The following HECW2 variants were observed in gnomAD, a reference collection of about 807,000 sequenced individuals.
HECW2 encodes the protein HECT, C2 and WW domain containing E3 ubiquitin protein ligase 2, also known as E3 ubiquitin-protein ligase HECW2.
Under a neutral mutation model 175.2 loss-of-function variants are expected in HECW2, and 61 were observed. The observed-to-expected ratio is 0.35, with a 90% CI of 0.28 to 0.43. HECW2 has a LOEUF of 0.43. HECW2 is among the 20% of genes least tolerant of loss of function. HECW2 has a pLI of 1.00. For synonymous variants in HECW2, 671 were observed against 731.0 expected, an observed-to-expected ratio of 0.92 and a Z score of 1.32; for missense variants, 1,524 against 2,000.5, an observed-to-expected ratio of 0.76 and a Z score of 4.54.
chr2:196,210,758 TG>T (rs1197544948), intron 28 of HECW2, among the ~76,000 whole-genome samples: 1 of 150,168 alleles, frequency 6.7e-6, no homozygotes, highest in Non-Finnish European at 1.5e-5. Context: ...GGATTACAGG[TG>T]CACACCACCA....
Position 196,322,609 on chromosome 2 carries a change from A to G in HECW2, c.753T>C (p.Phe251=). ...NPIWHREKYS[F]FALLTDVLEI... ...CTAAGACATCAGTAAGAAGTGCAAAAAAGGAATATTTCTGAAAACACAAAC... is the reference window on the plus strand; with the variant it reads ...CTAAGACATCAGTAAGAAGTGCAAAGAAGGAATATTTCTGAAAACACAAAC... Residue 251 remains phenylalanine, a synonymous_variant, in exon 7 of 29, where the codon TTT becomes TTC. Coordinates refer to ENST00000644978, the MANE Select transcript of HECW2 (RefSeq NM_001348768.2). 2 of 1,612,634 alleles carry G rather than the reference A, an allele frequency of 1.2e-6. No homozygotes were observed. Among genetic ancestry groups the G allele is most frequent in the East Asian group, 4.5e-5 (2 of 44,880 alleles).
chr2:196,227,839 A>T (rs1476885650), intron 22 of HECW2, among the ~76,000 whole-genome samples: 1 of 152,216 alleles, frequency 6.6e-6, no homozygotes, highest in Non-Finnish European at 1.5e-5. Flanking sequence ...GCAATGGGAA[A>T]TACCTTTTGA....
At chr2:196,221,086 C>A (rs1358765019) in intron 24 of HECW2, 145 bp from the exon 25 acceptor site, 3 of 768,460 alleles carry the variant, frequency 3.9e-6, no homozygotes, top group African/African-American at 3.5e-5. Context: ...AGGCCCCAGG[C>A]ACTCACGGAG....
intron 2 of HECW2, among the ~76,000 whole-genome samples, chr2:196,400,398 T>C (rs1367022494): frequency 1.3e-5 from 2 of 152,292 alleles, no homozygotes; most frequent in South Asian, 2.1e-4. Context: ...CTGGAAAAGA[T>C]ATAGAATTTT....
intron 15 of HECW2, among the ~76,000 whole-genome samples, chr2:196,275,173 C>T (rs1003472956): frequency 1.3e-5 from 2 of 152,172 alleles, no homozygotes; most frequent in African/African-American, 4.8e-5. Context: ...AACAGCCCCT[C>T]CTCGACAAGG....
intron 2 of HECW2, among the ~76,000 whole-genome samples, chr2:196,356,600 T>C (rs969788744): frequency 6.6e-6 from 1 of 152,098 alleles, no homozygotes; most frequent in Non-Finnish European, 1.5e-5. Flanking sequence ...TGGTATCTCA[T>C]CACGCAGGCA....
intron 8 of HECW2, among the ~76,000 whole-genome samples, 176 bp from the exon 9 acceptor site, chr2:196,320,080 C>T (rs1691883463): frequency 6.6e-6 from 1 of 152,166 alleles, no homozygotes; most frequent in Non-Finnish European, 1.5e-5. Flanking sequence ...GTCAGCTTGG[C>T]ACAGGAGCTA....
intron 1 of HECW2, among the ~76,000 whole-genome samples, chr2:196,552,683 C>T (rs1269819748): frequency 6.6e-6 from 1 of 152,190 alleles, no homozygotes; most frequent in African/African-American, 2.4e-5. Flanking sequence ...AAGTGTCTTA[C>T]CTCCTCTTCC....
At chr2:196,393,274 T>C (rs1694565321) in intron 2 of HECW2, among the ~76,000 whole-genome samples, 2 of 151,980 alleles carry the variant, frequency 1.3e-5, no homozygotes, top group South Asian at 4.1e-4. Flanking sequence ...TCAAAAGCAA[T>C]GGCAAAAAAA....
chr2:196,319,954 A>G, intron 8 of HECW2, 50 bp from the exon 9 acceptor site: 1 of 1,509,066 alleles, frequency 6.6e-7, no homozygotes, highest in Non-Finnish European at 8.9e-7. Flanking sequence ...ATAATAAGTG[A>G]ACGTTTTATG....
chr2:196,226,224 C>G (rs1687844905), intron 22 of HECW2, among the ~76,000 whole-genome samples: 1 of 151,742 alleles, frequency 6.6e-6, no homozygotes, highest in South Asian at 2.1e-4. Context: ...CACCTCCCTC[C>G]AACACACACA....
At chr2:196,412,462 G>C (rs1167284725) in intron 2 of HECW2, among the ~76,000 whole-genome samples, 1 of 152,086 alleles carries the variant, frequency 6.6e-6, no homozygotes, top group Non-Finnish European at 1.5e-5. Flanking sequence ...GAATTTGGGG[G>C]GTGCCAGGAC....
chr2:196,264,736 T>C (rs1689442329), intron 17 of HECW2, among the ~76,000 whole-genome samples: 1 of 152,190 alleles, frequency 6.6e-6, no homozygotes, highest in Non-Finnish European at 1.5e-5. Flanking sequence ...GCATCAAAAA[T>C]GTGAAAATTA....
Position 196,398,334 on chromosome 2 carries a change from ACAT to A in HECW2, c.292+34795_292+34797del, listed in dbSNP as rs1190920146. ...TGATTATGCATGCAGAGAAACACAG[ACAT>A]ATAGTAAAATGTGACAGTTTTAAAT... On this transcript the variant is annotated intron_variant, in intron 2 of 28. Coordinates refer to ENST00000644978, the MANE Select transcript of HECW2 (RefSeq NM_001348768.2). Among the ~76,000 whole-genome samples, 17 of 152,378 alleles carry A rather than the reference ACAT, an allele frequency of 1.1e-4. No homozygotes were observed. In the East Asian group the frequency reaches 3.3e-3, roughly 29 times the overall value.
rs1265154386 is a variant in HECW2, at chr2:196,257,926, G to A, written c.3336-20C>T. 6.4e-7 allele frequency: 1 copy of A among 1,553,838 alleles called. No individual in the cohort carries two copies. The highest frequency in any genetic ancestry group is 8.9e-7 in the Non-Finnish European group (1 of 1,125,428). ...TTCTCCCTAATCAAGAAAAGAAACA[G>A]CACAAAATGTATATGGTAGACCTTT... On this transcript the variant is annotated intron_variant, in intron 17 of 28. Transcript: ENST00000644978.
At chr2:196,588,680 G>A (rs961994619) in intron 1 of HECW2, among the ~76,000 whole-genome samples, 3 of 152,050 alleles carry the variant, frequency 2.0e-5, no homozygotes, top group African/African-American at 7.2e-5. Context: ...ACACATATAC[G>A]TTGAACAAGA....
chr2:196,480,347 T>C (rs1559136115), intron 1 of HECW2, among the ~76,000 whole-genome samples: 1 of 152,208 alleles, frequency 6.6e-6, no homozygotes, highest in Non-Finnish European at 1.5e-5. Context: ...TGAAAAAACA[T>C]CCTGAGGTTG....
intron 2 of HECW2, among the ~76,000 whole-genome samples, chr2:196,400,065 T>C (rs1342177026): frequency 1.3e-5 from 2 of 152,170 alleles, no homozygotes; most frequent in Non-Finnish European, 2.9e-5. Flanking sequence ...ATGGAGAAAT[T>C]TGTCTTATAA....
intron 1 of HECW2, among the ~76,000 whole-genome samples, chr2:196,514,574 G>A (rs995244799): frequency 2.0e-5 from 3 of 152,056 alleles, no homozygotes; most frequent in African/African-American, 2.4e-5. Context: ...GCTTTTTCCC[G>A]GCACGCCCAT....
Sources: allele counts gnomAD v4.1 joint callset (sites outside exome capture counted in the v4.1 genomes callset), GRCh38; gene constraint gnomAD v4.1.1; transcripts MANE v1.5; gene names NCBI Gene and HGNC (gene_info 2026-07-23, HGNC 2026-07-21).